ASTN2: variants seen among roughly 807,000 people sequenced by gnomAD.
The protein encoded by ASTN2 is astrotactin-2.
A neutral mutation model predicts 139.8 loss-of-function variants in ASTN2; 54 were observed. The observed-to-expected ratio is 0.39, with a 90% CI of 0.31 to 0.48. The LOEUF (loss-of-function observed/expected upper bound fraction) is 0.48. ASTN2 is among the 20% of genes least tolerant of loss of function. ASTN2 has a pLI of 0.95. For synonymous variants in ASTN2, 756 were observed against 719.5 expected, an observed-to-expected ratio of 1.05 and a Z score of -0.81; for missense variants, 1,565 against 1,725.1, an observed-to-expected ratio of 0.91 and a Z score of 1.64.
At chr9:117,365,786 G>A (rs1179637114) in intron 1 of ASTN2, among the ~76,000 whole-genome samples, 1 of 152,218 alleles carries the variant, frequency 6.6e-6, no homozygotes, top group Non-Finnish European at 1.5e-5. Flanking sequence ...AGGAGCATCT[G>A]AGCTTTGCCA....
At chr9:116,537,146 C>A (rs1375950245) in intron 19 of ASTN2, among the ~76,000 whole-genome samples, 1 of 152,200 alleles carries the variant, frequency 6.6e-6, no homozygotes, top group Non-Finnish European at 1.5e-5. Flanking sequence ...GGCATGAGAC[C>A]CTCCGAGCCA....
intron 20 of ASTN2, among the ~76,000 whole-genome samples, chr9:116,459,229 G>A (rs949552475): frequency 3.3e-5 from 5 of 151,954 alleles, no homozygotes; most frequent in African/African-American, 1.2e-4. Context: ...AATAAAGTGG[G>A]ACCCCTATAT....
chr9:116,722,837 T>A (rs562174252), intron 16 of ASTN2, among the ~76,000 whole-genome samples: 1 of 152,314 alleles, frequency 6.6e-6, no homozygotes, highest in East Asian at 1.9e-4. Context: ...TACAGGATTG[T>A]CTTTATCTAG....
At chr9:116,682,358 T>G (rs1361089685) in intron 16 of ASTN2, among the ~76,000 whole-genome samples, 3 of 152,140 alleles carry the variant, frequency 2.0e-5, no homozygotes, top group African/African-American at 7.2e-5. Flanking sequence ...ATGGCAATCA[T>G]TAAAAAGGCA....
At chr9:116,465,032 C>T (rs978665949) in intron 20 of ASTN2, among the ~76,000 whole-genome samples, 6 of 152,186 alleles carry the variant, frequency 3.9e-5, no homozygotes, top group African/African-American at 9.6e-5. Flanking sequence ...GATATGGACC[C>T]GGCTCTGTGC....
At chr9:117,060,184 A>G (rs764481245) in intron 5 of ASTN2, among the ~76,000 whole-genome samples, 1 of 151,272 alleles carries the variant, frequency 6.6e-6, no homozygotes, top group Non-Finnish European at 1.5e-5. Flanking sequence ...GGTGGTGTGC[A>G]CTTGCAGTTC....
intron 19 of ASTN2, among the ~76,000 whole-genome samples, chr9:116,536,290 G>A (rs972404860): frequency 4.0e-5 from 6 of 151,662 alleles, no homozygotes; most frequent in South Asian, 2.1e-4. Flanking sequence ...TCTTCTTTGC[G>A]ATGGGTTCAA....
chr9:116,918,922 T>C (rs1834525325), intron 10 of ASTN2, among the ~76,000 whole-genome samples: 1 of 152,214 alleles, frequency 6.6e-6, no homozygotes, highest in Non-Finnish European at 1.5e-5. Context: ...TTATTTTCTA[T>C]CTTTTTATGA....
intron 11 of ASTN2, among the ~76,000 whole-genome samples, chr9:116,860,843 T>C (rs191763651): frequency 1.3e-4 from 20 of 152,332 alleles, no homozygotes; most frequent in African/African-American, 4.8e-4. Context: ...TGCTAAAGTA[T>C]TCTAAAAATA....
chr9:116,539,987 T>C (rs907917178), intron 19 of ASTN2, among the ~76,000 whole-genome samples: 1 of 152,210 alleles, frequency 6.6e-6, no homozygotes, highest in South Asian at 2.1e-4. Context: ...TTGGCATCAT[T>C]TTCTTTGCTT....
At position 117,414,109 on chromosome 9, in the gene ASTN2, G is replaced by T. The variant is rs1040446579; in HGVS notation, c.442+388C>A. Among the ~76,000 whole-genome samples, 1 of 152,006 alleles carries T rather than the reference G, an allele frequency of 6.6e-6. No homozygotes were observed. Among genetic ancestry groups the T allele is most frequent in the Non-Finnish European group, 1.5e-5 (1 of 67,986 alleles). ...GCGGTGACGGCGGGTGGCCAGTGACGGTACCCGGAGAAGTGGGAGGCTCGA... is the reference window on the plus strand; with the variant it reads ...GCGGTGACGGCGGGTGGCCAGTGACTGTACCCGGAGAAGTGGGAGGCTCGA... On this transcript the variant is annotated intron_variant, in intron 1 of 22. Coordinates refer to ENST00000313400, the MANE Select transcript of ASTN2 (RefSeq NM_001365068.1). The surrounding 1 kb of genome is among the most constrained non-coding windows in gnomAD (Gnocchi z 4.2).
At chr9:117,175,624 A>G (rs947296114) in intron 3 of ASTN2, among the ~76,000 whole-genome samples, 1 of 152,228 alleles carries the variant, frequency 6.6e-6, no homozygotes, top group Non-Finnish European at 1.5e-5. Context: ...GACTTGTCCT[A>G]TGACAGTGGT....
At chr9:116,632,185 G>GAGA (rs1564168833) in intron 17 of ASTN2, among the ~76,000 whole-genome samples, 24 of 48,682 alleles carry the variant, frequency 4.9e-4, no homozygotes, top group Middle Eastern at 0.024. Flanking sequence ...AGAGAGAGAG[G>GAGA]GAGAGAGAGA....
chr9:117,306,969 G>A (rs563850470), intron 1 of ASTN2, among the ~76,000 whole-genome samples: 1 of 152,186 alleles, frequency 6.6e-6, no homozygotes, highest in African/African-American at 2.4e-5. Flanking sequence ...GAATCAGGCT[G>A]TTTACTGGCA....
At chr9:117,251,045 G>C (rs959024159) in intron 2 of ASTN2, among the ~76,000 whole-genome samples, 14 of 152,158 alleles carry the variant, frequency 9.2e-5, no homozygotes, top group Non-Finnish European at 7.4e-5. Flanking sequence ...GAACAAGAAG[G>C]AGTGGGAGCG....
chr9:116,643,820 T>C (rs1462442647), intron 17 of ASTN2, among the ~76,000 whole-genome samples: 2 of 152,172 alleles, frequency 1.3e-5, no homozygotes, highest in African/African-American at 4.8e-5. Flanking sequence ...CCTCTCAGAG[T>C]TTCTTTCTCT....
intron 19 of ASTN2, among the ~76,000 whole-genome samples, chr9:116,574,754 G>A (rs551354999): frequency 5.9e-5 from 9 of 152,284 alleles, no homozygotes; most frequent in South Asian, 2.1e-4. Context: ...CAAAGCCAAC[G>A]TGCAGAAGTC....
intron 22 of ASTN2, among the ~76,000 whole-genome samples, chr9:116,428,481 G>T (rs1029305947): frequency 6.6e-6 from 1 of 151,202 alleles, no homozygotes; most frequent in Non-Finnish European, 1.5e-5. Context: ...CCAAGATCGC[G>T]CCACTGCACT....
intron 10 of ASTN2, among the ~76,000 whole-genome samples, chr9:116,960,998 C>T (rs1019843288): frequency 1.5e-5 from 2 of 133,518 alleles, no homozygotes; most frequent in Non-Finnish European, 3.2e-5. Context: ...GAGGAGACTG[C>T]AGGGCTGAAA....
Sources: allele counts gnomAD v4.1 joint callset (sites outside exome capture counted in the v4.1 genomes callset), GRCh38; gene constraint gnomAD v4.1.1; non-coding constraint Gnocchi (gnomAD v3.1); transcripts MANE v1.5; gene names NCBI Gene and HGNC (gene_info 2026-07-23, HGNC 2026-07-21).